CALD1: variants seen among roughly 807,000 people sequenced by gnomAD.
CALD1 encodes the protein caldesmon.
CALD1 carries 33 observed loss-of-function variants against 99.9 expected under a neutral mutation model. That is an observed-to-expected ratio of 0.33 (90% confidence interval 0.25 to 0.44). The LOEUF (loss-of-function observed/expected upper bound fraction) is 0.44, where lower values mean the gene tolerates loss of function less well. CALD1 is among the 20% of genes least tolerant of loss of function. The pLI is 1.00. For synonymous variants in CALD1, 310 were observed against 325.0 expected (o/e 0.95, Z 0.50); for missense variants, 861 against 962.1 (o/e 0.89, Z 1.39).
intron 1 of CALD1, among the ~76,000 whole-genome samples, chr7:134,758,905 T>C (rs569094766): frequency 1.3e-5 from 2 of 152,276 alleles, no homozygotes; most frequent in South Asian, 2.1e-4. Flanking sequence ...TTCCCAGCCC[T>C]AGGCCCCTTT....
intron 1 of CALD1, among the ~76,000 whole-genome samples, chr7:134,803,513 A>G (rs1463587457): frequency 6.6e-6 from 1 of 151,860 alleles, no homozygotes. Flanking sequence ...TTTTGTTTTT[A>G]TGTTTAGATC....
intron 1 of CALD1, among the ~76,000 whole-genome samples, chr7:134,801,857 C>T (rs1441175053): frequency 6.6e-6 from 1 of 152,076 alleles, no homozygotes; most frequent in East Asian, 1.9e-4. Context: ...GGGTTTAAGC[C>T]ATCCTCCCAT....
chr7:134,804,986 G>C (rs1798081514), intron 1 of CALD1, among the ~76,000 whole-genome samples: 1 of 152,150 alleles, frequency 6.6e-6, no homozygotes, highest in Non-Finnish European at 1.5e-5. Flanking sequence ...TGGTGGGTAG[G>C]GGGCCAGTGA....
intron 1 of CALD1, among the ~76,000 whole-genome samples, chr7:134,826,878 T>G (rs1031530091): frequency 6.6e-6 from 1 of 152,174 alleles, no homozygotes; most frequent in African/African-American, 2.4e-5. Context: ...TCTACCTGCT[T>G]AACTCTGAGC....
intron 2 of CALD1, among the ~76,000 whole-genome samples, chr7:134,846,464 C>A (rs1344766987): frequency 6.6e-6 from 1 of 152,214 alleles, no homozygotes; most frequent in Non-Finnish European, 1.5e-5. Flanking sequence ...CATCAAATGT[C>A]ATTTCTCACG....
chr7:134,905,618 C>T (rs1417336483), intron 3 of CALD1, among the ~76,000 whole-genome samples: 1 of 152,108 alleles, frequency 6.6e-6, no homozygotes, highest in Non-Finnish European at 1.5e-5. Flanking sequence ...TGTGTTATTA[C>T]ATCAGATCCT....
intron 1 of CALD1, among the ~76,000 whole-genome samples, chr7:134,790,167 T>C (rs893595880): frequency 6.7e-6 from 1 of 148,400 alleles, no homozygotes. Context: ...GAGAAGGAAA[T>C]TGGAATTTAT....
chr7:134,768,594 T>A (rs964523002), intron 1 of CALD1, among the ~76,000 whole-genome samples: 16 of 152,128 alleles, frequency 1.1e-4, no homozygotes, highest in African/African-American at 3.9e-4. Flanking sequence ...CTTTTCCCGA[T>A]GTCATAGGAA....
chr7:134,852,029 G>A (rs1369266822), intron 2 of CALD1, among the ~76,000 whole-genome samples: 1 of 152,210 alleles, frequency 6.6e-6, no homozygotes, highest in Non-Finnish European at 1.5e-5. Context: ...AGCACTGTGA[G>A]GGGATGTCAG....
the CALD1 span, among the ~76,000 whole-genome samples, chr7:134,725,305 A>C: frequency 6.6e-6 from 1 of 152,210 alleles, no homozygotes; most frequent in Admixed American, 6.5e-5. Context: ...CCATGGAACA[A>C]AAGGAGGTGT....
chr7:134,794,714 T>C (rs560177080), intron 1 of CALD1, among the ~76,000 whole-genome samples: 42 of 152,336 alleles, frequency 2.8e-4, no homozygotes, highest in Middle Eastern at 3.4e-3. Flanking sequence ...CTTGAACTCC[T>C]GACCTCAAGT....
At position 134,933,915 on chromosome 7, in the gene CALD1, G is replaced by A. The variant is rs1374632855; in HGVS notation, c.1146G>A (p.Lys382=). The A allele has an allele frequency of 2.5e-6, 4 of 1,613,854 alleles. No individual in the cohort carries two copies. In the East Asian group the frequency reaches 6.7e-5, roughly 27 times the overall value. Residue 382 remains lysine (K), a synonymous_variant, in exon 5 of 15, where the codon AAG becomes AAA. Transcript: ENST00000361675. ...RARAEEEEKA[K]VEEQKRNKQL... ...GGGCAGAGGAGGAAGAGAAGGCTAA[G>A]GTAGAAGAGCAGAAACGTAACAAGC...
chr7:134,770,088 T>C (rs1437058045), intron 1 of CALD1, among the ~76,000 whole-genome samples: 1 of 152,218 alleles, frequency 6.6e-6, no homozygotes, highest in Non-Finnish European at 1.5e-5. Context: ...TCACTTAATA[T>C]TTATAAATAT....
At chr7:134,719,851 A>G in the CALD1 span, among the ~76,000 whole-genome samples, 2 of 152,164 alleles carry the variant, frequency 1.3e-5, no homozygotes, top group African/African-American at 4.8e-5. Context: ...TCAAATCCCG[A>G]AATGTTCACA....
chr7:134,817,719 T>G (rs1468770653), intron 1 of CALD1, among the ~76,000 whole-genome samples: 18 of 152,168 alleles, frequency 1.2e-4, no homozygotes, highest in Admixed American at 1.2e-3. Flanking sequence ...AAAAAAATCA[T>G]CTGGGAAGGC....
intron 7 of CALD1, among the ~76,000 whole-genome samples, chr7:134,942,258 G>C (rs1806507899): frequency 6.6e-6 from 1 of 152,182 alleles, no homozygotes; most frequent in South Asian, 2.1e-4. Flanking sequence ...AGGTTTGAGG[G>C]AGAAATCTGA....
At chr7:134,773,486 C>T (rs1796892515) in intron 1 of CALD1, among the ~76,000 whole-genome samples, 2 of 152,026 alleles carry the variant, frequency 1.3e-5, no homozygotes. Context: ...GTTGCCCAGG[C>T]TGGTCTTGAA....
At position 134,933,987 on chromosome 7, in the gene CALD1, G is replaced by A; in HGVS notation, c.1218G>A (p.Gly406=). 6.2e-7 allele frequency: 1 copy of A among 1,614,008 alleles called. No individual in the cohort carries two copies. The highest frequency in any genetic ancestry group is 8.5e-7 in the Non-Finnish European group (1 of 1,179,972). The change falls in exon 5 of 15, where the codon GGG becomes GGA. Residue 406 remains glycine, a synonymous_variant. Transcript: ENST00000361675. ...KHAMQETKIK[G]EKVEQKIEGK... ...CCATGCAAGAGACAAAGATAAAAGGGGAAAAGGTAGAACAGAAAATAGAAG... is the reference window on the plus strand; with the variant it reads ...CCATGCAAGAGACAAAGATAAAAGGAGAAAAGGTAGAACAGAAAATAGAAG...
chr7:134,967,419 T>C (rs1285107874), intron 14 of CALD1, among the ~76,000 whole-genome samples: 1 of 152,180 alleles, frequency 6.6e-6, no homozygotes, highest in Non-Finnish European at 1.5e-5. Flanking sequence ...CCTTGAAAAT[T>C]GGAATTCACA....
Sources: gnomAD v4.1 joint callset for allele counts (sites outside exome capture counted in the v4.1 genomes callset) on GRCh38, gnomAD v4.1.1 for gene constraint, MANE v1.5 for transcripts, NCBI Gene and HGNC (gene_info 2026-07-23, HGNC 2026-07-21) for gene names.